Variants in ANKRD17 observed in about 807,000 individuals in gnomAD.
ANKRD17 encodes ankyrin repeat domain-containing protein 17.
ANKRD17 carries 19 observed loss-of-function variants against 229.7 expected under a neutral mutation model. The ratio of observed to expected loss-of-function variants is 0.08; its 90% confidence interval spans 0.06 to 0.12. The LOEUF (loss-of-function observed/expected upper bound fraction) is 0.12, where lower values mean the gene tolerates loss of function less well. Among genes scored for constraint, ANKRD17 ranks in the 10% least tolerant of loss-of-function variants. ANKRD17 has a pLI of 1.00. For missense variants in ANKRD17, 2,176 were observed against 3,176.8 expected, an observed-to-expected ratio of 0.68 and a Z score of 7.57; for synonymous variants, 1,112 against 1,146.1, an observed-to-expected ratio of 0.97 and a Z score of 0.60.
chr4:73,213,653 A>G (rs533713332), intron 1 of ANKRD17, among the ~76,000 whole-genome samples: 7 of 152,348 alleles, frequency 4.6e-5, no homozygotes, highest in Non-Finnish European at 7.3e-5. Flanking sequence ...TCCAAAGCTA[A>G]TATCAAAAAT....
At chr4:73,080,761 G>A (rs1373862555) in intron 30 of ANKRD17, 1 of 152,172 alleles carries the variant, frequency 6.6e-6, no homozygotes, top group African/African-American at 2.4e-5. Context: ...TTTATTTCCT[G>A]TATCCTTCTA....
In ANKRD17 at chr4:73,097,155, C is replaced by A. The variant is rs1436989188; in HGVS notation, c.5139G>T (p.Gly1713=). 5 of 1,608,812 alleles carry A rather than the reference C, an allele frequency of 3.1e-6. No homozygotes were observed. The East Asian group carries it at 6.7e-5, about 22-fold the overall frequency. Residue 1713 remains glycine (G), a synonymous_variant, in exon 27 of 34, where the codon GGG becomes GGT. Coordinates refer to ENST00000358602, the MANE Select transcript of ANKRD17 (RefSeq NM_032217.5). ...GKLTVASPKR[G]QKREEGWKEV... ...CTTTCCATCCTTCTTCCCTCTTTTG[C>A]CCACGCTTAGGACTTGCTACTGTTA... is the stretch of plus-strand genomic sequence containing the variant.
chr4:73,132,222 C>A (rs1728309976), intron 16 of ANKRD17, among the ~76,000 whole-genome samples: 1 of 151,770 alleles, frequency 6.6e-6, no homozygotes, highest in Non-Finnish European at 1.5e-5. Flanking sequence ...GCTTCTCCTG[C>A]CTCAGCCTCC....
intron 4 of ANKRD17, 49 bp downstream of exon 4, chr4:73,155,970 G>A (rs778273062): frequency 1.3e-6 from 2 of 1,529,496 alleles, no homozygotes; most frequent in Non-Finnish European, 1.8e-6. Context: ...TAGTAAGCAA[G>A]CCAGTTTTTA....
chr4:73,085,453 T>A lies in ANKRD17; in HGVS notation c.6962-7A>T. On this transcript the variant is annotated splice_polypyrimidine_tract_variant and splice_region_variant and intron_variant, in intron 29 of 33. Transcript: ENST00000358602. Reference sequence around the variant, plus strand: ...GAGTCCATATTGACAATACCTATAATGTAGAAGGTCATCATAATTTATAAT... The same window carrying A: ...GAGTCCATATTGACAATACCTATAAAGTAGAAGGTCATCATAATTTATAAT... 1 of 1,608,062 alleles carries A rather than the reference T, an allele frequency of 6.2e-7. No individual in the cohort carries two copies. Among genetic ancestry groups the A allele is most frequent in the Non-Finnish European group, 8.5e-7 (1 of 1,174,704 alleles).
chr4:73,197,208 C>T (rs1019661625), intron 1 of ANKRD17, among the ~76,000 whole-genome samples: 1 of 152,128 alleles, frequency 6.6e-6, no homozygotes, highest in African/African-American at 2.4e-5. Context: ...ACTATGCAAA[C>T]ACCACTGAAG....
At chr4:73,219,173 T>C (rs1041067907) in intron 1 of ANKRD17, among the ~76,000 whole-genome samples, 1 of 152,210 alleles carries the variant, frequency 6.6e-6, no homozygotes, top group Non-Finnish European at 1.5e-5. Flanking sequence ...CATATTTATC[T>C]AAACTTTTCA....
chr4:73,175,506 G>C (rs1356272782), intron 2 of ANKRD17, among the ~76,000 whole-genome samples: 2 of 152,094 alleles, frequency 1.3e-5, no homozygotes, highest in East Asian at 3.9e-4. Flanking sequence ...AAGATATCCT[G>C]AGCAAAAAGA....
chr4:73,094,351 C>T, intron 27 of ANKRD17, 123 bp from the exon 28 acceptor site: 1 of 882,854 alleles, frequency 1.1e-6, no homozygotes, highest in South Asian at 2.0e-5. Context: ...TTGAATAAGC[C>T]TCTTCTATTT....
At chr4:73,147,681 G>A (rs1241643087) in intron 8 of ANKRD17, among the ~76,000 whole-genome samples, 1 of 151,684 alleles carries the variant, frequency 6.6e-6, no homozygotes, top group Non-Finnish European at 1.5e-5. Context: ...GTACAAGTCG[G>A]GTGATAAAAG....
intron 1 of ANKRD17, among the ~76,000 whole-genome samples, chr4:73,200,580 T>A (rs545463510): frequency 7.9e-5 from 12 of 152,096 alleles, no homozygotes; most frequent in Admixed American, 2.0e-4. Context: ...GCTTAAAAGA[T>A]TAAAATTAAT....
chr4:73,175,586 T>A (rs147315099), intron 2 of ANKRD17, among the ~76,000 whole-genome samples: 368 of 152,294 alleles, frequency 2.4e-3, no homozygotes, highest in African/African-American at 8.7e-3. Flanking sequence ...CAAAATGGCA[T>A]GATTGTCACA....
At chr4:73,108,977 T>C (rs551148255) in intron 24 of ANKRD17, among the ~76,000 whole-genome samples, 2 of 152,304 alleles carry the variant, frequency 1.3e-5, no homozygotes, top group East Asian at 3.9e-4. Context: ...ATATAGGATC[T>C]GGTACACAAT....
At chr4:73,250,589 CAA>C (rs35160047) in intron 1 of ANKRD17, among the ~76,000 whole-genome samples, 304 of 29,384 alleles carry the variant, frequency 0.01, 1 homozygote, top group South Asian at 0.033. Flanking sequence ...GACCTTGTCT[CAA>C]AAAAAAAAAA....
chr4:73,139,261 A>C (rs1729307996), intron 15 of ANKRD17, among the ~76,000 whole-genome samples: 1 of 152,168 alleles, frequency 6.6e-6, no homozygotes, highest in African/African-American at 2.4e-5. Context: ...AAAAACAAAA[A>C]TCAAACATCA....
intron 7 of ANKRD17, 85 bp from the exon 8 acceptor site, chr4:73,149,135 T>G: frequency 8.9e-7 from 1 of 1,119,798 alleles, no homozygotes; most frequent in Non-Finnish European, 1.3e-6. Flanking sequence ...TACTATACAA[T>G]GAAGTTTATC....
At chr4:73,077,313 A>C in intron 32 of ANKRD17, 42 bp downstream of exon 32, 1 of 1,541,736 alleles carries the variant, frequency 6.5e-7, no homozygotes, top group Non-Finnish European at 8.7e-7. Flanking sequence ...ATTTTCTCAG[A>C]AAATCCTCCC....
intron 15 of ANKRD17, among the ~76,000 whole-genome samples, chr4:73,136,940 C>T (rs1399827208): frequency 1.3e-5 from 2 of 148,154 alleles, no homozygotes; most frequent in African/African-American, 5.0e-5. Flanking sequence ...TACATTTCAA[C>T]TGGAATATTT....
In ANKRD17 at chr4:73,078,838, T is replaced by C. The variant is rs1249846431; in HGVS notation, c.7212A>G (p.Pro2404=). ...SSGVRAPSPA[P]SSVPLGSEKP... ...TTTCTGACCCTAACGGTACTGATGA[T>C]GGGGCAGGAGATGGTGCACGAACTC... The change falls in exon 31 of 34, where the codon CCA becomes CCG. Residue 2404 remains proline (P), a synonymous_variant. Transcript: ENST00000358602. 6.2e-7 allele frequency: 1 copy of C among 1,614,128 alleles called. No individual in the cohort carries two copies. The highest frequency in any genetic ancestry group is 1.1e-5 in the South Asian group (1 of 91,082).
Sources: gnomAD v4.1 joint callset for allele counts (sites outside exome capture counted in the v4.1 genomes callset) on GRCh38, gnomAD v4.1.1 for gene constraint, MANE v1.5 for transcripts, NCBI Gene and HGNC (gene_info 2026-07-23, HGNC 2026-07-21) for gene names.